Variants in RBM33 observed in about 807,000 individuals in gnomAD.
The protein encoded by RBM33 is RNA-binding protein 33.
Under a neutral mutation model 132.6 loss-of-function variants are expected in RBM33, and 28 were observed. That is an observed-to-expected ratio of 0.21 (90% CI 0.16 to 0.29). The LOEUF is 0.29. RBM33 is among the 10% of genes least tolerant of loss of function. The pLI is 1.00. For synonymous variants in RBM33, 634 were observed against 593.0 expected (o/e 1.07, Z -1.01); for missense variants, 1,291 against 1,518.5 (o/e 0.85, Z 2.49).
At chr7:155,735,713 C>CTG (rs1554481619) in intron 9 of RBM33, among the ~76,000 whole-genome samples, 19 of 137,874 alleles carry the variant, frequency 1.4e-4, no homozygotes, top group Non-Finnish European at 2.1e-4. Context: ...CTCTCTCTCT[C>CTG]TCTCTGTCTC....
At chr7:155,771,709 T>C (rs1802431448) in intron 16 of RBM33, among the ~76,000 whole-genome samples, 1 of 152,084 alleles carries the variant, frequency 6.6e-6, no homozygotes, top group South Asian at 2.1e-4. Context: ...AACTGCATGA[T>C]ATTTTCTTTT....
Position 155,741,959 on chromosome 7 carries a change from C to A in RBM33, c.2190C>A (p.Pro730=), listed in dbSNP as rs73167165. The A allele has an allele frequency of 8.7e-5, 141 of 1,613,984 alleles. No individual in the cohort carries two copies. In the Middle Eastern group the frequency reaches 1.8e-3, roughly 21 times the overall value. ...EMSSSRCSAT[P]SAQVKPIVSA... ...GCAGCAGCCGCTGCTCTGCCACGCCCTCAGCACAAGTGAAACCTATCGTCA... is the reference window on the plus strand; with the variant it reads ...GCAGCAGCCGCTGCTCTGCCACGCCATCAGCACAAGTGAAACCTATCGTCA... The change falls in exon 13 of 18, where the codon CCC becomes CCA. Residue 730 remains proline (P), a synonymous_variant. Transcript: ENST00000401878.
rs760870469 is a variant in RBM33, at chr7:155,745,600, G to A, written c.2977G>A (p.Gly993Arg). The change falls in exon 14 of 18, where the codon GGG becomes AGG. Residue 993 changes from glycine (G) to arginine (R), a missense_variant and splice_region_variant. Transcript: ENST00000401878. This position sits in a 1 kb window ranked among gnomAD's most constrained non-coding sequence, Gnocchi z 4.1. ...GGTCAGGGTGATTAAGCTGTCAGGT[G>A]GGGTAAGTTGACAAGTTTTATGAGA... is the stretch of plus-strand genomic sequence containing the variant. ...SKVRVIKLSG[G>R]GGESDGFFHP... The A allele has an allele frequency of 1.9e-6, 3 of 1,572,016 alleles. No homozygotes were observed. Among genetic ancestry groups the A allele is most frequent in the Non-Finnish European group, 2.6e-6 (3 of 1,157,826 alleles).
chr7:155,670,033 C>T (rs1585415741), intron 2 of RBM33, among the ~76,000 whole-genome samples: 3 of 152,350 alleles, frequency 2.0e-5, no homozygotes, highest in East Asian at 3.9e-4. Flanking sequence ...GCCCCACTTA[C>T]AGTGGTCAAG....
At chr7:155,676,413 A>G (rs983752570) in intron 3 of RBM33, among the ~76,000 whole-genome samples, 1 of 152,212 alleles carries the variant, frequency 6.6e-6, no homozygotes, top group African/African-American at 2.4e-5. Context: ...TTCTCCTGTT[A>G]CATTGAGGTG....
At chr7:155,676,066 C>T (rs867999768) in intron 3 of RBM33, among the ~76,000 whole-genome samples, 2 of 152,068 alleles carry the variant, frequency 1.3e-5, no homozygotes, top group African/African-American at 4.8e-5. Flanking sequence ...ACACTGGCTA[C>T]CTGAACAATT....
At chr7:155,769,747 G>A (rs149392506) in intron 16 of RBM33, among the ~76,000 whole-genome samples, 3 of 152,154 alleles carry the variant, frequency 2.0e-5, no homozygotes, top group Admixed American at 2.0e-4. Flanking sequence ...TTGGAATCTT[G>A]AGTGAGCAGC....
rs76404823 is a variant in RBM33 at position 155,653,052 on chromosome 7, A to G, written c.43+8133A>G. 7.0e-3 allele frequency among the ~76,000 whole-genome samples: 1,059 copies of G among 152,306 alleles called. 10 individuals are homozygous for G. Among genetic ancestry groups the G allele is most frequent in the African/African-American group, 0.025 (1,030 of 41,564 alleles). ...GTCAGAACTTCCTTTTTAAGGCTAA[A>G]TAATATTCCATTATATATCTATACT... On this transcript the variant is annotated intron_variant, in intron 1 of 17. Coordinates refer to ENST00000401878, the MANE Select transcript of RBM33 (RefSeq NM_053043.3).
chr7:155,762,505 A>G (rs953153500), intron 14 of RBM33, among the ~76,000 whole-genome samples: 2 of 152,160 alleles, frequency 1.3e-5, no homozygotes, highest in Non-Finnish European at 2.9e-5. Flanking sequence ...TTTTGGAGAG[A>G]GAAGATTTGC....
intron 16 of RBM33, chr7:155,766,866 T>G: frequency 1.7e-6 from 1 of 585,832 alleles, no homozygotes; most frequent in Non-Finnish European, 3.0e-6. Flanking sequence ...AGTTATAAAT[T>G]TTAAGAAATA....
intron 9 of RBM33, among the ~76,000 whole-genome samples, chr7:155,729,847 C>T (rs1372725732): frequency 6.6e-6 from 1 of 152,054 alleles, no homozygotes; most frequent in Non-Finnish European, 1.5e-5. Flanking sequence ...TCTGTTTGGT[C>T]CTTGTGCACT....
intron 6 of RBM33, among the ~76,000 whole-genome samples, chr7:155,702,586 G>C (rs986806379): frequency 6.6e-6 from 1 of 152,200 alleles, no homozygotes; most frequent in Non-Finnish European, 1.5e-5. Context: ...GGAGGAATTG[G>C]TAATATCACA....
At chr7:155,680,271 G>A (rs989682492) in intron 4 of RBM33, among the ~76,000 whole-genome samples, 11 of 152,162 alleles carry the variant, frequency 7.2e-5, no homozygotes, top group African/African-American at 2.4e-4. Flanking sequence ...TTGCCACTCA[G>A]ATGTGTTTCA....
At chr7:155,722,981 T>C (rs889025832) in intron 9 of RBM33, among the ~76,000 whole-genome samples, 1 of 152,254 alleles carries the variant, frequency 6.6e-6, no homozygotes, top group Admixed American at 6.5e-5. Context: ...AACTATACTT[T>C]TAAGTTTGAA....
Position 155,711,319 on chromosome 7 carries a change from G to A in RBM33, c.1065G>A (p.Pro355=), listed in dbSNP as rs749818376. Residue 355 remains proline, a synonymous_variant, in exon 8 of 18, where the codon CCG becomes CCA. Coordinates refer to ENST00000401878, the MANE Select transcript of RBM33 (RefSeq NM_053043.3). The part of the protein sequence containing the change: ...LPVQHPHHPS[P]PQGMHMPPQL... ...TGCAGCACCCGCACCACCCATCCCCGCCTCAGGGAATGCACATGCCTCCCC... is the reference window on the plus strand; with the variant it reads ...TGCAGCACCCGCACCACCCATCCCCACCTCAGGGAATGCACATGCCTCCCC... 38 of 1,605,410 alleles carry A rather than the reference G, an allele frequency of 2.4e-5. No homozygotes were observed. In the Admixed American group the frequency reaches 4.6e-4, roughly 19 times the overall value.
intron 2 of RBM33, among the ~76,000 whole-genome samples, chr7:155,671,213 A>G (rs1349103949): frequency 1.3e-5 from 2 of 152,232 alleles, no homozygotes; most frequent in African/African-American, 4.8e-5. Context: ...AACACTGAAG[A>G]TACAAAAATT....
intron 2 of RBM33, among the ~76,000 whole-genome samples, chr7:155,670,862 AC>A (rs1380598223): frequency 6.6e-6 from 1 of 152,228 alleles, no homozygotes; most frequent in African/African-American, 2.4e-5. Flanking sequence ...TAGTTGATAC[AC>A]TTACTTATCT....
Position 155,673,768 on chromosome 7 carries a change from GCACACACA to G in RBM33, c.171+879_171+886del, listed in dbSNP as rs369116329. 6.0e-3 allele frequency among the ~76,000 whole-genome samples: 802 copies of G among 132,980 alleles called. 49 individuals carry two copies. Among genetic ancestry groups the G allele is most frequent in the Admixed American group, 0.053 (739 of 13,890 alleles). The allele number at this position is 132,980 out of a possible 152,430, so 87.2% of individuals were successfully genotyped here. ...CACGTGTATATACGCGCGCATGCGC[GCACACACA>G]CACACACACACACACACACACACAC... On this transcript the variant is annotated intron_variant, in intron 3 of 17. Transcript: ENST00000401878.
At chr7:155,666,306 TAGCTC>T (rs1273400668) in intron 2 of RBM33, among the ~76,000 whole-genome samples, 1 of 152,204 alleles carries the variant, frequency 6.6e-6, no homozygotes, top group Non-Finnish European at 1.5e-5. Flanking sequence ...GGGCAGAAGA[TAGCTC>T]AGCTCAAGAA....
Sources: gnomAD v4.1 joint callset for allele counts (sites outside exome capture counted in the v4.1 genomes callset) on GRCh38, gnomAD v4.1.1 for gene constraint, Gnocchi (gnomAD v3.1) non-coding constraint, MANE v1.5 for transcripts, NCBI Gene and HGNC (gene_info 2026-07-23, HGNC 2026-07-21) for gene names.